FAM110B: variants seen among roughly 807,000 people sequenced by gnomAD.
FAM110B encodes family with sequence similarity 110 member B, also known as protein FAM110B.
FAM110B carries 6 observed loss-of-function variants against 20.4 expected under a neutral mutation model. The observed-to-expected ratio is 0.29, with a 90% confidence interval of 0.16 to 0.58. The LOEUF is 0.58. Among genes scored for constraint, FAM110B ranks in the 20% least tolerant of loss-of-function variants. The pLI is 0.90. For missense variants in FAM110B, 434 were observed against 498.2 expected (o/e 0.87, Z 1.23); for synonymous variants, 226 against 214.1 (o/e 1.06, Z -0.49).
chr8:58,096,369 T>G (rs2150607123), intron 3 of FAM110B, among the ~76,000 whole-genome samples: 1 of 152,196 alleles, frequency 6.6e-6, no homozygotes, highest in South Asian at 2.1e-4. Flanking sequence ...AGTTACAGGG[T>G]TTCACCATGT....
chr8:58,021,631 A>G (rs1474327371), intron 1 of FAM110B, among the ~76,000 whole-genome samples: 1 of 152,170 alleles, frequency 6.6e-6, no homozygotes, highest in East Asian at 1.9e-4. Flanking sequence ...TGACTACAGA[A>G]TATACACTTT....
In FAM110B at chr8:58,033,833, C is replaced by T. The variant is rs148599478; in HGVS notation, c.-414+2130C>T. ...AGCTGCAAGTCAGTTGATTGCCACA[C>T]GTCTTCCTCCTGCTGACCGTCTCTT... is the stretch of plus-strand genomic sequence containing the variant. On this transcript the variant is annotated intron_variant, in intron 2 of 3. Transcript: ENST00000519262. 5.9e-3 allele frequency among the ~76,000 whole-genome samples: 897 copies of T among 152,302 alleles called. 10 individuals carry two copies. Among genetic ancestry groups the T allele is most frequent in the African/African-American group, 0.02 (812 of 41,564 alleles).
At chr8:58,129,614 T>C (rs952833905) in intron 3 of FAM110B, among the ~76,000 whole-genome samples, 1 of 152,106 alleles carries the variant, frequency 6.6e-6, no homozygotes, top group African/African-American at 2.4e-5. Context: ...ACATGCTGTA[T>C]GAGAAGTATG....
chr8:58,114,706 G>A (rs77212333), intron 3 of FAM110B, among the ~76,000 whole-genome samples: 1,933 of 152,300 alleles, frequency 0.013, 39 homozygotes, highest in African/African-American at 0.044. Flanking sequence ...CAATGTGAGC[G>A]CTAGGCCCTG....
intron 3 of FAM110B, among the ~76,000 whole-genome samples, chr8:58,131,652 T>A (rs1343438529): frequency 1.3e-5 from 2 of 152,256 alleles, no homozygotes; most frequent in Admixed American, 1.3e-4. Flanking sequence ...GCTTTTCTTT[T>A]CAGCACCCAT....
At chr8:58,014,506 T>A (rs571617742) in intron 1 of FAM110B, among the ~76,000 whole-genome samples, 2 of 152,248 alleles carry the variant, frequency 1.3e-5, no homozygotes, top group Middle Eastern at 3.4e-3. Flanking sequence ...GGACATAAGG[T>A]TATAAAGGTG....
chr8:58,136,565 TTAAAG>T (rs1291591215), intron 3 of FAM110B, among the ~76,000 whole-genome samples: 2 of 152,294 alleles, frequency 1.3e-5, no homozygotes, highest in South Asian at 2.1e-4. Flanking sequence ...TTTTAATTAC[TTAAAG>T]TAATTTTCAT....
rs190258335 is a variant in FAM110B at position 58,082,692 on chromosome 8, G to A, written c.-325+7069G>A. Among the ~76,000 whole-genome samples the A allele has an allele frequency of 4.6e-5, 7 of 152,142 alleles. No homozygotes were observed. In the South Asian group the frequency reaches 1.2e-3, roughly 27 times the overall value. On this transcript the variant is annotated intron_variant, in intron 3 of 3. Coordinates refer to ENST00000519262, the MANE Select transcript of FAM110B (RefSeq NM_001377989.1). ...AACTACAGAGGATAAAGAAATGTTT[G>A]TGGGGCTGGGCACAGTGGCTCATAC... is the stretch of plus-strand genomic sequence containing the variant.
chr8:58,058,669 A>G (rs137864541), intron 2 of FAM110B, among the ~76,000 whole-genome samples: 1 of 152,264 alleles, frequency 6.6e-6, no homozygotes, highest in Non-Finnish European at 1.5e-5. Context: ...TTTTCTTTAG[A>G]TATGCATGAT....
At chr8:57,997,733 A>G (rs1038539058) in intron 1 of FAM110B, among the ~76,000 whole-genome samples, 1 of 152,208 alleles carries the variant, frequency 6.6e-6, no homozygotes, top group Non-Finnish European at 1.5e-5. Flanking sequence ...TATTCAGTAC[A>G]GACACCAAGG....
chr8:58,129,685 C>T (rs1280149829), intron 3 of FAM110B, among the ~76,000 whole-genome samples: 1 of 152,178 alleles, frequency 6.6e-6, no homozygotes, highest in Non-Finnish European at 1.5e-5. Context: ...CAGATTGCGG[C>T]TACTAGAACA....
chr8:57,999,625 AGATATT>A (rs1220150629), intron 1 of FAM110B, among the ~76,000 whole-genome samples: 1 of 152,198 alleles, frequency 6.6e-6, no homozygotes, highest in Non-Finnish European at 1.5e-5. Flanking sequence ...TATATTAAAC[AGATATT>A]GATAGAGGAC....
chr8:57,995,715 C>A (rs1804171630), intron 1 of FAM110B, among the ~76,000 whole-genome samples: 1 of 152,182 alleles, frequency 6.6e-6, no homozygotes, highest in Admixed American at 6.5e-5. Context: ...TGGTGCTCAG[C>A]TTTTTAACCC....
intron 3 of FAM110B, among the ~76,000 whole-genome samples, chr8:58,095,694 G>T (rs1485426974): frequency 6.6e-6 from 1 of 152,186 alleles, no homozygotes; most frequent in Admixed American, 6.5e-5. Context: ...GTGAAGTGGT[G>T]CTGAGAAGGG....
chr8:58,017,624 T>C (rs141665526), intron 1 of FAM110B, among the ~76,000 whole-genome samples: 64 of 152,354 alleles, frequency 4.2e-4, no homozygotes, highest in African/African-American at 8.7e-4. Flanking sequence ...TGTTTTTGTT[T>C]GGAAAATTCT....
At chr8:57,996,501 G>A (rs921188380) in intron 1 of FAM110B, among the ~76,000 whole-genome samples, 4 of 152,256 alleles carry the variant, frequency 2.6e-5, no homozygotes, top group Admixed American at 6.5e-5. Flanking sequence ...GCTTCTCTGC[G>A]TATCCTTATG....
At chr8:58,039,908 C>T (rs1441277564) in intron 2 of FAM110B, among the ~76,000 whole-genome samples, 5 of 152,162 alleles carry the variant, frequency 3.3e-5, no homozygotes, top group Non-Finnish European at 7.4e-5. Context: ...AGGCATATGC[C>T]ACCGTGCCTG....
intron 2 of FAM110B, among the ~76,000 whole-genome samples, chr8:58,068,866 G>A (rs930888594): frequency 7.9e-5 from 12 of 152,008 alleles, no homozygotes; most frequent in Admixed American, 6.6e-5. Context: ...ACATAAATTT[G>A]TCATTTTAAA....
rs112339126 is a variant in FAM110B at position 58,034,651 on chromosome 8, G to T, written c.-414+2948G>T. Among the ~76,000 whole-genome samples, 729 of 152,274 alleles carry T rather than the reference G, an allele frequency of 4.8e-3. 4 individuals are homozygous for T. The highest frequency in any genetic ancestry group is 8.0e-3 in the Non-Finnish European group (545 of 68,030). On this transcript the variant is annotated intron_variant, in intron 2 of 3. Coordinates refer to ENST00000519262, the MANE Select transcript of FAM110B (RefSeq NM_001377989.1). The stretch of plus-strand genomic sequence containing the variant: ...GCCCAGATCATAGGATTGTTGTTAG[G>T]AATGTGAGTTGCTACATGAGCTGGC...
Sources: allele counts gnomAD v4.1 joint callset (sites outside exome capture counted in the v4.1 genomes callset), GRCh38; gene constraint gnomAD v4.1.1; transcripts MANE v1.5; gene names NCBI Gene and HGNC (gene_info 2026-07-23, HGNC 2026-07-21).